Variants in SIPA1L2 observed in about 807,000 individuals in gnomAD.
SIPA1L2 encodes signal induced proliferation associated 1 like 2, also known as signal-induced proliferation-associated 1-like protein 2.
SIPA1L2 carries 56 observed loss-of-function variants against 163.9 expected under a neutral mutation model. That is an observed-to-expected ratio of 0.34 (90% CI 0.28 to 0.43). SIPA1L2 has a LOEUF of 0.43. Among genes scored for constraint, SIPA1L2 ranks in the 20% least tolerant of loss-of-function variants. SIPA1L2 has a pLI of 1.00. For synonymous variants in SIPA1L2, 877 were observed against 865.7 expected (o/e 1.01, Z -0.23); for missense variants, 1,974 against 2,193.5 (o/e 0.90, Z 2.00).
chr1:232,418,967 G>A (rs1205409597), intron 18 of SIPA1L2, among the ~76,000 whole-genome samples: 1 of 152,180 alleles, frequency 6.6e-6, no homozygotes, highest in Admixed American at 6.5e-5. Flanking sequence ...GGGCAGACAA[G>A]GCCCTGCTCT....
chr1:232,585,924 T>G (rs1333762755), intron 1 of SIPA1L2, among the ~76,000 whole-genome samples: 3 of 152,048 alleles, frequency 2.0e-5, no homozygotes, highest in Non-Finnish European at 4.4e-5. Context: ...AAAACCATGA[T>G]GAGCAAGACT....
chr1:232,622,129 T>G (rs915805169), intron 1 of SIPA1L2, among the ~76,000 whole-genome samples: 2 of 152,266 alleles, frequency 1.3e-5, no homozygotes, highest in African/African-American at 4.8e-5. Flanking sequence ...TCTACTATCA[T>G]GTATGCCTTG....
chr1:232,463,949 A>C (rs1177940982), intron 9 of SIPA1L2, among the ~76,000 whole-genome samples: 1 of 152,134 alleles, frequency 6.6e-6, no homozygotes, highest in Non-Finnish European at 1.5e-5. Flanking sequence ...TCTAATAACA[A>C]AAGGGAGGAA....
intron 10 of SIPA1L2, among the ~76,000 whole-genome samples, chr1:232,453,745 G>A (rs924437624): frequency 7.3e-6 from 1 of 136,534 alleles, no homozygotes; most frequent in Admixed American, 7.9e-5. Flanking sequence ...AAAACACAAG[G>A]CTTTTTTTTT....
At chr1:232,564,375 G>C (rs1047781070) in intron 2 of SIPA1L2, among the ~76,000 whole-genome samples, 3 of 151,646 alleles carry the variant, frequency 2.0e-5, no homozygotes, top group South Asian at 2.1e-4. Context: ...ACTGCTCCTG[G>C]CCAAGAAAGG....
At chr1:232,429,422 T>G (rs1295682866) in intron 16 of SIPA1L2, among the ~76,000 whole-genome samples, 1 of 152,174 alleles carries the variant, frequency 6.6e-6, no homozygotes, top group African/African-American at 2.4e-5. Flanking sequence ...AGCCAGGCTA[T>G]CTTATAACTG....
chr1:232,630,309 C>G (rs1446585649), upstream of SIPA1L2, among the ~76,000 whole-genome samples: 1 of 151,892 alleles, frequency 6.6e-6, no homozygotes. Flanking sequence ...TGCGCTGTTC[C>G]CAGGCCCCGC....
At position 232,432,442 on chromosome 1, in the gene SIPA1L2, G is replaced by C. The variant is rs761139286; in HGVS notation, c.4061C>G (p.Ala1354Gly). 6.2e-7 allele frequency: 1 copy of C among 1,614,254 alleles called. No individual in the cohort carries two copies. Among genetic ancestry groups the C allele is most frequent in the Admixed American group, 1.7e-5 (1 of 60,036 alleles). ...SGSHHSGSPS[A>G]HCSKSSGSLD... Reference sequence around the variant, plus strand: ...AGACCCACTACTTTTTGAACAGTGAGCTGAAGGGCTTCCTGAATGGTGAGA... The same window carrying C: ...AGACCCACTACTTTTTGAACAGTGACCTGAAGGGCTTCCTGAATGGTGAGA... Residue 1354 changes from alanine (A) to glycine (G), a missense_variant, in exon 16 of 23, where the codon GCT (alanine) becomes GGT (glycine). Coordinates refer to ENST00000674635, the MANE Select transcript of SIPA1L2 (RefSeq NM_020808.5).
intron 1 of SIPA1L2, among the ~76,000 whole-genome samples, chr1:232,582,449 G>C (rs897227038): frequency 6.6e-6 from 1 of 152,096 alleles, no homozygotes; most frequent in Non-Finnish European, 1.5e-5. Flanking sequence ...TAGGATTATG[G>C]TTTCCAACTC....
chr1:232,477,245 C>T (rs1665095131), intron 7 of SIPA1L2, among the ~76,000 whole-genome samples: 1 of 152,110 alleles, frequency 6.6e-6, no homozygotes, highest in African/African-American at 2.4e-5. Flanking sequence ...CATAATAGAT[C>T]TTTAGGACTG....
chr1:232,511,476 CAA>C (rs1356692242), intron 3 of SIPA1L2, among the ~76,000 whole-genome samples: 1 of 152,162 alleles, frequency 6.6e-6, no homozygotes, highest in Non-Finnish European at 1.5e-5. Flanking sequence ...AATGTGATTA[CAA>C]AAGACATGCT....
chr1:232,590,640 C>T (rs1175082894), intron 1 of SIPA1L2, among the ~76,000 whole-genome samples: 1 of 152,154 alleles, frequency 6.6e-6, no homozygotes, highest in African/African-American at 2.4e-5. Context: ...CATTGGGCCT[C>T]GCCCATGCAA....
chr1:232,538,255 A>G (rs1657430025), intron 2 of SIPA1L2, among the ~76,000 whole-genome samples: 1 of 152,180 alleles, frequency 6.6e-6, no homozygotes, highest in Non-Finnish European at 1.5e-5. Flanking sequence ...TGTTGAGGGC[A>G]TGCACCAGAA....
intron 1 of SIPA1L2, among the ~76,000 whole-genome samples, chr1:232,627,605 G>T (rs1417667169): frequency 2.6e-5 from 4 of 151,832 alleles, no homozygotes; most frequent in Non-Finnish European, 5.9e-5. Flanking sequence ...GCCAAATCAT[G>T]ATCTGATAAT....
chr1:232,404,109 A>G lies in SIPA1L2; in HGVS notation c.4816+16T>C. The G allele has an allele frequency of 3.7e-6, 6 of 1,614,074 alleles. No individual in the cohort carries two copies. Among genetic ancestry groups the G allele is most frequent in the Non-Finnish European group, 5.1e-6 (6 of 1,179,912 alleles). On this transcript the variant is annotated intron_variant, in intron 20 of 22. Coordinates refer to ENST00000674635, the MANE Select transcript of SIPA1L2 (RefSeq NM_020808.5). ...TACAGGATATCAGGAGCCAACGAGCAGCCCCAGACAATCACCTAGATAGGA... is the reference window on the plus strand; with the variant it reads ...TACAGGATATCAGGAGCCAACGAGCGGCCCCAGACAATCACCTAGATAGGA...
intron 15 of SIPA1L2, among the ~76,000 whole-genome samples, chr1:232,437,190 A>C (rs893743538): frequency 6.6e-6 from 1 of 152,200 alleles, no homozygotes; most frequent in African/African-American, 2.4e-5. Context: ...TTTACTTAAT[A>C]ATAATAATAC....
At chr1:232,598,573 G>T (rs1661409494) in intron 1 of SIPA1L2, among the ~76,000 whole-genome samples, 1 of 152,180 alleles carries the variant, frequency 6.6e-6, no homozygotes, top group Non-Finnish European at 1.5e-5. Context: ...TATAAACCAA[G>T]AAATTTATTT....
chr1:232,567,069 T>G (rs1659447060), intron 2 of SIPA1L2, among the ~76,000 whole-genome samples: 2 of 152,204 alleles, frequency 1.3e-5, no homozygotes, highest in South Asian at 4.1e-4. Flanking sequence ...GCCGTCTCCT[T>G]AAGTCACTAC....
intron 2 of SIPA1L2, among the ~76,000 whole-genome samples, chr1:232,527,414 G>A (rs1667759172): frequency 6.6e-6 from 1 of 152,106 alleles, no homozygotes; most frequent in Non-Finnish European, 1.5e-5. Context: ...GCTTCCAGAG[G>A]GATACCATTT....
Sources: gnomAD v4.1 joint callset for allele counts (sites outside exome capture counted in the v4.1 genomes callset) on GRCh38, gnomAD v4.1.1 for gene constraint, MANE v1.5 for transcripts, NCBI Gene and HGNC (gene_info 2026-07-23, HGNC 2026-07-21) for gene names.